Variants in LRP1B observed in about 807,000 individuals in gnomAD.
LRP1B encodes low-density lipoprotein receptor-related protein 1B.
Under a neutral mutation model 556.6 loss-of-function variants are expected in LRP1B, and 217 were observed. That is an observed-to-expected ratio of 0.39 (90% CI 0.35 to 0.44). LRP1B has a LOEUF of 0.44. Ranked by LOEUF, LRP1B falls within the 20% of genes least tolerant of loss-of-function variation. The pLI is 1.00. For synonymous variants in LRP1B, 2,047 were observed against 1,865.8 expected (o/e 1.10, Z -2.50); for missense variants, 5,053 against 5,620.8 (o/e 0.90, Z 3.23).
intron 7 of LRP1B, among the ~76,000 whole-genome samples, chr2:141,160,163 G>T (rs1679944523): frequency 6.6e-6 from 1 of 151,982 alleles, no homozygotes; most frequent in Non-Finnish European, 1.5e-5. Flanking sequence ...AAGCACATGA[G>T]GTTTAACATT....
chr2:141,289,511 T>A (rs1685862234), intron 3 of LRP1B, among the ~76,000 whole-genome samples: 1 of 152,106 alleles, frequency 6.6e-6, no homozygotes, highest in African/African-American at 2.4e-5. Context: ...TTATTTACAT[T>A]TATTTCAACC....
At position 141,448,628 on chromosome 2, in the gene LRP1B, C is replaced by T. The variant is rs541480939; in HGVS notation, c.343+31768G>A. Reference sequence around the variant, plus strand: ...CATTCCTTGGGACACAGTCCCTTCACGGCTTCCCCTGGCTAGGGGAGGGAG... The same window carrying T: ...CATTCCTTGGGACACAGTCCCTTCATGGCTTCCCCTGGCTAGGGGAGGGAG... On this transcript the variant is annotated intron_variant, in intron 3 of 90. Coordinates refer to ENST00000389484, the MANE Select transcript of LRP1B (RefSeq NM_018557.3). Among the ~76,000 whole-genome samples the T allele has an allele frequency of 9.2e-5, 14 of 152,146 alleles. 1 individual carries two copies. Among genetic ancestry groups the T allele is most frequent in the South Asian group, 4.1e-4 (2 of 4,830 alleles).
At chr2:140,798,769 A>G (rs909551061) in intron 32 of LRP1B, among the ~76,000 whole-genome samples, 1 of 152,260 alleles carries the variant, frequency 6.6e-6, no homozygotes, top group East Asian at 1.9e-4. Flanking sequence ...ACATTGCCAA[A>G]TGTCTCCTGG....
intron 7 of LRP1B, among the ~76,000 whole-genome samples, chr2:141,080,701 G>T (rs1699901683): frequency 6.6e-6 from 1 of 152,118 alleles, no homozygotes; most frequent in African/African-American, 2.4e-5. Flanking sequence ...TTTCAACTCT[G>T]TCTCTATTTC....
intron 51 of LRP1B, among the ~76,000 whole-genome samples, chr2:140,511,134 G>A (rs918149075): frequency 9.9e-5 from 15 of 151,814 alleles, no homozygotes; most frequent in African/African-American, 3.6e-4. Flanking sequence ...AAAAATATTT[G>A]TTTCTAACAA....
At chr2:140,967,751 T>G (rs1011450734) in intron 18 of LRP1B, among the ~76,000 whole-genome samples, 31 of 152,166 alleles carry the variant, frequency 2.0e-4, no homozygotes, top group African/African-American at 5.1e-4. Context: ...TAGCATGAAG[T>G]GCTGTTGAAT....
intron 2 of LRP1B, among the ~76,000 whole-genome samples, chr2:141,513,179 T>C (rs1432507665): frequency 6.6e-6 from 1 of 152,128 alleles, no homozygotes; most frequent in Non-Finnish European, 1.5e-5. Flanking sequence ...GTTCAGTATA[T>C]AAATTTTAAA....
chr2:140,872,664 A>G (rs1464759070), intron 25 of LRP1B, among the ~76,000 whole-genome samples: 1 of 151,722 alleles, frequency 6.6e-6, no homozygotes, highest in East Asian at 1.9e-4. Flanking sequence ...TTTATGTTTG[A>G]TTTGGCATCC....
At chr2:141,283,967 G>A (rs1010868017) in intron 3 of LRP1B, among the ~76,000 whole-genome samples, 4 of 152,176 alleles carry the variant, frequency 2.6e-5, no homozygotes, top group Admixed American at 6.5e-5. Context: ...TCTTGGAAGA[G>A]TAGATGAGGT....
chr2:141,203,406 A>T (rs1174563930), intron 6 of LRP1B, among the ~76,000 whole-genome samples: 1 of 152,228 alleles, frequency 6.6e-6, no homozygotes, highest in Non-Finnish European at 1.5e-5. Flanking sequence ...GTGATAAAAC[A>T]GACTTTAAAG....
At chr2:140,757,300 A>G (rs1688771905) in intron 35 of LRP1B, among the ~76,000 whole-genome samples, 1 of 152,222 alleles carries the variant, frequency 6.6e-6, no homozygotes, top group Non-Finnish European at 1.5e-5. Context: ...ACTCCTAGGT[A>G]TATACTCAAG....
intron 86 of LRP1B, among the ~76,000 whole-genome samples, chr2:140,264,742 A>G (rs75241689): frequency 2.6e-4 from 33 of 128,062 alleles, no homozygotes; most frequent in African/African-American, 9.6e-4. Flanking sequence ...GTGTGTGTGT[A>G]TATAATTTTC....
chr2:140,593,310 T>C (rs1164331252), intron 43 of LRP1B, among the ~76,000 whole-genome samples: 1 of 152,196 alleles, frequency 6.6e-6, no homozygotes, highest in African/African-American at 2.4e-5. Flanking sequence ...GTTTGTATCA[T>C]GCAGGTAGCA....
chr2:141,341,380 C>T (rs1248186664), intron 3 of LRP1B, among the ~76,000 whole-genome samples: 1 of 152,148 alleles, frequency 6.6e-6, no homozygotes, highest in South Asian at 2.1e-4. Flanking sequence ...TTTACGCATA[C>T]ACACATTTCT....
intron 62 of LRP1B, among the ~76,000 whole-genome samples, chr2:140,451,320 A>G (rs903048529): frequency 6.6e-6 from 1 of 152,216 alleles, no homozygotes; most frequent in Non-Finnish European, 1.5e-5. Flanking sequence ...AAAGCCTACA[A>G]TATTTACTAT....
At chr2:140,607,562 C>A (rs1682912678) in intron 41 of LRP1B, among the ~76,000 whole-genome samples, 1 of 151,826 alleles carries the variant, frequency 6.6e-6, no homozygotes, top group South Asian at 2.1e-4. Flanking sequence ...TTTAGTACAT[C>A]CACGCTTGGA....
At chr2:140,317,965 A>G (rs1386874702) in intron 82 of LRP1B, among the ~76,000 whole-genome samples, 1 of 149,708 alleles carries the variant, frequency 6.7e-6, no homozygotes, top group Non-Finnish European at 1.5e-5. Context: ...TAACTAAATC[A>G]CCCCCAGAAG....
At chr2:140,935,482 T>C (rs980032679) in intron 20 of LRP1B, among the ~76,000 whole-genome samples, 1 of 152,036 alleles carries the variant, frequency 6.6e-6, no homozygotes, top group Non-Finnish European at 1.5e-5. Context: ...ATGGGACTTA[T>C]TGATCTGAGG....
intron 7 of LRP1B, among the ~76,000 whole-genome samples, chr2:141,134,771 T>C (rs2105037254): frequency 6.6e-6 from 1 of 151,344 alleles, no homozygotes; most frequent in Non-Finnish European, 1.5e-5. Context: ...TTATTGTAAA[T>C]ATATCATGGA....
Sources: allele counts gnomAD v4.1 joint callset (sites outside exome capture counted in the v4.1 genomes callset), GRCh38; gene constraint gnomAD v4.1.1; transcripts MANE v1.5; gene names NCBI Gene and HGNC (gene_info 2026-07-23, HGNC 2026-07-21).